The following USP4 variants were observed in gnomAD, a reference collection of about 807,000 sequenced individuals.
USP4 encodes ubiquitin specific peptidase 4, also known as ubiquitin carboxyl-terminal hydrolase 4.
USP4 carries 72 observed loss-of-function variants against 118.2 expected under a neutral mutation model. That is an observed-to-expected ratio of 0.61 (90% CI 0.50 to 0.74). USP4 has a LOEUF of 0.74. USP4 is among the 30% of genes least tolerant of loss of function. The probability of loss-of-function intolerance (pLI) is 0.00; values close to 1 mark genes in which losing one functional copy is unlikely to be tolerated. For synonymous variants in USP4, 415 were observed against 440.4 expected (o/e 0.94, Z 0.72); for missense variants, 1,037 against 1,185.7 (o/e 0.87, Z 1.84).
At chr3:49,295,202 T>C (rs936526437) in intron 13 of USP4, among the ~76,000 whole-genome samples, 4 of 141,130 alleles carry the variant, frequency 2.8e-5, no homozygotes, top group African/African-American at 1.1e-4. Flanking sequence ...GGCAGGAGAA[T>C]GGTGTGAACC....
intron 10 of USP4, among the ~76,000 whole-genome samples, chr3:49,301,343 G>C (rs1005366667): frequency 6.6e-6 from 1 of 152,162 alleles, no homozygotes; most frequent in African/African-American, 2.4e-5. Context: ...TATCGGTACA[G>C]AGACATGGCC....
rs763079215 is a variant in USP4 at position 49,339,955 on chromosome 3, T to C, written c.70A>G (p.Met24Val). The change falls in exon 1 of 22, where the codon ATG (methionine) becomes GTG (valine). Residue 24 changes from methionine to valine, a missense_variant. Physicochemically the swap from Met to Val is conservative, Grantham distance 21 (BLOSUM62 1). Transcript: ENST00000265560. ...ETQKSELGPL[M>V]RTTLQRGAQW... ...GCCCCGCGTTGGAGTGTGGTCCTCATTAAGGGTCCAAGCTCGGACTTCTGA... is the reference window on the plus strand; with the variant it reads ...GCCCCGCGTTGGAGTGTGGTCCTCACTAAGGGTCCAAGCTCGGACTTCTGA... The C allele has an allele frequency of 5.0e-6, 8 of 1,612,990 alleles. No homozygotes were observed. Among genetic ancestry groups the C allele is most frequent in the South Asian group, 2.2e-5 (2 of 91,068 alleles).
chr3:49,319,893 C>T (rs1379932245), intron 6 of USP4, among the ~76,000 whole-genome samples: 1 of 151,770 alleles, frequency 6.6e-6, no homozygotes, highest in African/African-American at 2.4e-5. Context: ...GATTACAGGC[C>T]ATGAGCCACT....
intron 6 of USP4, chr3:49,312,607 C>T (rs956428061): frequency 5.3e-5 from 20 of 378,402 alleles, no homozygotes; most frequent in Non-Finnish European, 1.0e-4. Flanking sequence ...GCAAAAAGAA[C>T]GAAACTCTGT....
chr3:49,311,757 A>G (rs1238900279), intron 6 of USP4, 103 bp from the exon 7 acceptor site: 1 of 1,465,580 alleles, frequency 6.8e-7, no homozygotes, highest in African/African-American at 1.4e-5. Context: ...CTTCATATTA[A>G]GTTAAAATAA....
intron 8 of USP4, among the ~76,000 whole-genome samples, chr3:49,309,787 C>A (rs903334214): frequency 4.7e-5 from 7 of 149,722 alleles, no homozygotes; most frequent in African/African-American, 1.5e-4. Flanking sequence ...CCACCACACC[C>A]GGCTAATTTT....
chr3:49,318,238 G>T, intron 6 of USP4: 1 of 807,506 alleles, frequency 1.2e-6, no homozygotes, highest in Non-Finnish European at 1.5e-6. Flanking sequence ...CAAACTGCTG[G>T]GATTACAGGC....
intron 16 of USP4, among the ~76,000 whole-genome samples, chr3:49,285,484 C>A (rs868739324): frequency 6.6e-6 from 1 of 152,110 alleles, no homozygotes. Flanking sequence ...TGTCTCTACA[C>A]AAACTACAAA....
At chr3:49,301,284 A>G (rs922645708) in intron 10 of USP4, among the ~76,000 whole-genome samples, 5 of 152,102 alleles carry the variant, frequency 3.3e-5, no homozygotes, top group African/African-American at 1.2e-4. Context: ...GACCTATTGG[A>G]AACTAGGGGT....
chr3:49,311,658 GGAGA>G lies in USP4; in HGVS notation c.696-8_696-5del, dbSNP rs762717823. 1.9e-6 allele frequency: 3 copies of G among 1,613,240 alleles called. No homozygotes were observed. The South Asian group carries it at 3.3e-5, about 18-fold the overall frequency. On this transcript the variant is annotated splice_polypyrimidine_tract_variant and splice_region_variant and intron_variant, in intron 6 of 21. Transcript: ENST00000265560. ...TCTGCTAGGCGCAGTGCTTGATCTG[GGAGA>G]GAGAAGCAGAAACAATGCTACTGAC... is the stretch of plus-strand genomic sequence containing the variant.
Position 49,311,581 on chromosome 3 carries a change from C to A in USP4, c.769G>T (p.Ala257Ser), listed in dbSNP as rs767122205. ...SSASPYSSVSASLIANGDSTS... is the reference protein window; with the variant it reads ...SSASPYSSVSSSLIANGDSTS... ...CTATCACCATTTGCAATGAGAGAGG[C>A]AGACACTGAGGAATAGGGACTTGCT... The change falls in exon 7 of 22, where the codon GCC (alanine) becomes TCC (serine). Residue 257 changes from alanine to serine, a missense_variant. By Grantham distance (99) the Ala-to-Ser change is moderately conservative. Around this residue, in one of 3 missense-constraint regions of USP4, gnomAD observed 487 missense variants for 534.1 expected, o/e 0.91. Coordinates refer to ENST00000265560, the MANE Select transcript of USP4 (RefSeq NM_003363.4). 6.2e-7 allele frequency: 1 copy of A among 1,613,948 alleles called. No individual in the cohort carries two copies. The highest frequency in any genetic ancestry group is 8.5e-7 in the Non-Finnish European group (1 of 1,179,916).
At position 49,305,007 on chromosome 3, in the gene USP4, C is replaced by T. The variant is rs537397994; in HGVS notation, c.1128+708G>A. Among the ~76,000 whole-genome samples the T allele has an allele frequency of 1.2e-4, 18 of 151,568 alleles. 1 individual carries two copies. The South Asian group carries it at 3.4e-3, about 28-fold the overall frequency. ...TCGAACTCCTGACCTCGTGATCTGC[C>T]CGCCTCAGCCTCCCAAAGTGCTGGG... On this transcript the variant is annotated intron_variant, in intron 9 of 21. Coordinates refer to ENST00000265560, the MANE Select transcript of USP4 (RefSeq NM_003363.4).
Position 49,316,445 on chromosome 3 carries a change from G to A in USP4, c.696-4791C>T, listed in dbSNP as rs370813709. ...AGCAATTCTCATGCCTCAGCCTCCC[G>A]AGTAGCTGGAATTACAGGTGCATGC... On this transcript the variant is annotated intron_variant, in intron 6 of 21. Transcript: ENST00000265560. 1.2e-4 allele frequency among the ~76,000 whole-genome samples: 18 copies of A among 151,646 alleles called. No individual in the cohort carries two copies. In the East Asian group the frequency reaches 2.6e-3, roughly 22 times the overall value.
chr3:49,337,916 C>G (rs34567776), intron 1 of USP4, among the ~76,000 whole-genome samples: 22,351 of 151,338 alleles, frequency 0.15, 1,829 homozygotes, highest in Non-Finnish European at 0.17. Flanking sequence ...CATGGTGGTG[C>G]ATGCCTATAA....
chr3:49,311,357 T>C (rs552844712), intron 7 of USP4, among the ~76,000 whole-genome samples, 157 bp downstream of exon 7: 28 of 152,306 alleles, frequency 1.8e-4, no homozygotes, highest in Admixed American at 1.5e-3. Context: ...AAGCACACTT[T>C]ACTGTAGGTA....
chr3:49,308,664 G>A (rs1426968289), intron 8 of USP4, among the ~76,000 whole-genome samples: 3 of 151,804 alleles, frequency 2.0e-5, no homozygotes, highest in Admixed American at 2.0e-4. Context: ...AATTCTGGAC[G>A]CTGAAGCTCA....
chr3:49,330,592 A>T (rs757984768), intron 2 of USP4, among the ~76,000 whole-genome samples: 4 of 151,736 alleles, frequency 2.6e-5, no homozygotes, highest in Non-Finnish European at 5.9e-5. Flanking sequence ...TGGCCTCCCA[A>T]AGTGCTGGGA....
intron 1 of USP4, 99 bp from the exon 2 acceptor site, chr3:49,335,695 T>C (rs2047661916): frequency 8.7e-6 from 12 of 1,383,476 alleles, no homozygotes; most frequent in Non-Finnish European, 1.2e-5. Flanking sequence ...ACTTGGGGCA[T>C]ATGCAATACC....
intron 20 of USP4, among the ~76,000 whole-genome samples, chr3:49,279,828 C>A (rs2046998620): frequency 6.6e-6 from 1 of 152,216 alleles, no homozygotes. Context: ...ACAATAGCAG[C>A]AACGGTGGCT....
Sources: gnomAD v4.1 joint callset for allele counts (sites outside exome capture counted in the v4.1 genomes callset) on GRCh38, gnomAD v4.1.1 for gene constraint, gnomAD v4.1.1 regional missense constraint, MANE v1.5 for transcripts, NCBI Gene and HGNC (gene_info 2026-07-23, HGNC 2026-07-21) for gene names.